Variants in TOP1 observed in about 807,000 individuals in gnomAD.
TOP1 encodes DNA topoisomerase I.
Under a neutral mutation model 111.1 loss-of-function variants are expected in TOP1, and 10 were observed. That is an observed-to-expected ratio of 0.09 (90% CI 0.06 to 0.15). TOP1 has a LOEUF of 0.15. TOP1 is among the 10% of genes least tolerant of loss of function. The pLI, the probability that TOP1 is intolerant of heterozygous loss-of-function variation, is 1.00. For missense variants in TOP1, 474 were observed against 926.7 expected (o/e 0.51, Z 6.34); for synonymous variants, 271 against 302.9 (o/e 0.89, Z 1.10).
At chr20:41,050,980 C>T (rs1482033912) in intron 2 of TOP1, among the ~76,000 whole-genome samples, 2 of 152,076 alleles carry the variant, frequency 1.3e-5, no homozygotes, top group Non-Finnish European at 1.5e-5. Flanking sequence ...GGGTTTGCCC[C>T]AGTACAAGAG....
Position 41,106,898 on chromosome 20 carries a change from T to C in TOP1, c.1308+5545T>C, listed in dbSNP as rs949760083. 1.3e-5 allele frequency among the ~76,000 whole-genome samples: 2 copies of C among 152,172 alleles called. No homozygotes were observed. The highest frequency in any genetic ancestry group is 2.4e-5 in the African/African-American group (1 of 41,450). Reference sequence around the variant, plus strand: ...ATATATTTCATATTTCTTTAAGTTTTAATTTTTATTTTTAAACACAATTAT... The same window carrying C: ...ATATATTTCATATTTCTTTAAGTTTCAATTTTTATTTTTAAACACAATTAT... On this transcript the variant is annotated intron_variant, in intron 13 of 20. Coordinates refer to ENST00000361337, the MANE Select transcript of TOP1 (RefSeq NM_003286.4). The surrounding 1 kb of genome is among the most constrained non-coding windows in gnomAD (Gnocchi z 4.3).
intron 2 of TOP1, among the ~76,000 whole-genome samples, chr20:41,037,753 C>T (rs2033207317): frequency 6.6e-6 from 1 of 152,042 alleles, no homozygotes; most frequent in South Asian, 2.1e-4. Context: ...AGGAAATAAA[C>T]AAAAGTCATT....
Position 41,092,635 on chromosome 20 carries a change from C to CT in TOP1, c.730+50dup. On this transcript the variant is annotated intron_variant, in intron 9 of 20. Coordinates refer to ENST00000361337, the MANE Select transcript of TOP1 (RefSeq NM_003286.4). This position sits in a 1 kb window ranked among gnomAD's most constrained non-coding sequence, Gnocchi z 4.3. ...ATTCTTGGCCAGGAAAAGAAATCTG[C>CT]TTCTATTTAGGGATAGAAAACAAGG... 1 of 918,392 alleles carries CT rather than the reference C, an allele frequency of 1.1e-6. No homozygotes were observed. Among genetic ancestry groups the CT allele is most frequent in the South Asian group, 1.6e-5 (1 of 61,434 alleles). The allele number at this position is 918,392 out of a possible 1,614,324, so 56.9% of individuals were successfully genotyped here. A position where few individuals can be genotyped will look rare whatever the true frequency, so the allele number is the denominator to read the frequency against.
intron 2 of TOP1, among the ~76,000 whole-genome samples, chr20:41,039,767 G>T (rs562391674): frequency 6.6e-6 from 1 of 152,248 alleles, no homozygotes; most frequent in Admixed American, 6.5e-5. Context: ...AACTAGCCGG[G>T]CGTGGTGGCG....
At chr20:41,041,713 G>A (rs76507070) in intron 2 of TOP1, among the ~76,000 whole-genome samples, 10,007 of 152,138 alleles carry the variant, frequency 0.066, 355 homozygotes, top group Middle Eastern at 0.17. Context: ...CTGAAAATCT[G>A]CATTTTTAAT....
At chr20:41,070,043 T>C (rs1202432173) in intron 3 of TOP1, among the ~76,000 whole-genome samples, 2 of 152,098 alleles carry the variant, frequency 1.3e-5, no homozygotes, top group East Asian at 3.9e-4. Context: ...TTTCAAAAAG[T>C]TGGAACTTGT....
At chr20:41,062,930 C>T (rs763910184) in intron 3 of TOP1, among the ~76,000 whole-genome samples, 65 of 152,140 alleles carry the variant, frequency 4.3e-4, no homozygotes, top group African/African-American at 1.4e-3. Context: ...TCTACTTTTC[C>T]GCTTTTAATT....
intron 8 of TOP1, among the ~76,000 whole-genome samples, chr20:41,085,459 T>C (rs887023410): frequency 6.6e-6 from 1 of 152,250 alleles, no homozygotes; most frequent in Admixed American, 6.5e-5. Flanking sequence ...GGTGGAGAAC[T>C]TTTCTACTTT....
intron 2 of TOP1, among the ~76,000 whole-genome samples, chr20:41,053,238 C>T (rs947024149): frequency 1.3e-5 from 2 of 152,136 alleles, no homozygotes; most frequent in Non-Finnish European, 2.9e-5. Context: ...TGCCCTTTCA[C>T]CTTCCTTTGT....
In TOP1 at chr20:41,114,932, G is replaced by C. The variant is rs554544086; in HGVS notation, c.1639-439G>C. 6.6e-6 allele frequency among the ~76,000 whole-genome samples: 1 copy of C among 152,214 alleles called. No homozygotes were observed. Among genetic ancestry groups the C allele is most frequent in the Non-Finnish European group, 1.5e-5 (1 of 68,038 alleles). The stretch of plus-strand genomic sequence containing the variant: ...GCTGGCTGTGGAAGTACTCTGGACA[G>C]ATTAGATAACAGTATGTATCAATGT... On this transcript the variant is annotated intron_variant, in intron 15 of 20. Coordinates refer to ENST00000361337, the MANE Select transcript of TOP1 (RefSeq NM_003286.4). This position sits in a 1 kb window ranked among gnomAD's most constrained non-coding sequence, Gnocchi z 4.5.
rs184107518 is a variant in TOP1 at position 41,049,386 on chromosome 20, G to A, written c.59-12008G>A. ...TAATGCAGTGCACTTCTAAGTTTCCGATGGTATTTCCCCAAGTTTTGAATA... is the reference window on the plus strand; with the variant it reads ...TAATGCAGTGCACTTCTAAGTTTCCAATGGTATTTCCCCAAGTTTTGAATA... On this transcript the variant is annotated intron_variant, in intron 2 of 20. Transcript: ENST00000361337. Among the ~76,000 whole-genome samples the A allele has an allele frequency of 3.3e-5, 5 of 152,350 alleles. No individual in the cohort carries two copies. In the South Asian group the frequency reaches 8.3e-4, roughly 25 times the overall value.
chr20:41,121,034 G>A lies in TOP1; in HGVS notation c.1951-662G>A, dbSNP rs1335771591. Among the ~76,000 whole-genome samples, 4 of 152,182 alleles carry A rather than the reference G, an allele frequency of 2.6e-5. No homozygotes were observed. The highest frequency in any genetic ancestry group is 5.9e-5 in the Non-Finnish European group (4 of 68,026). ...TGGGATTACAGGCGTGAGACACCGC[G>A]CCTGGTGACCGCTCTCCTTTTAAAA... On this transcript the variant is annotated intron_variant, in intron 18 of 20. Coordinates refer to ENST00000361337, the MANE Select transcript of TOP1 (RefSeq NM_003286.4). The surrounding 1 kb of genome is among the most constrained non-coding windows in gnomAD (Gnocchi z 4.2).
At chr20:41,090,812 CATTT>C (rs2033911544) in intron 8 of TOP1, among the ~76,000 whole-genome samples, 1 of 152,174 alleles carries the variant, frequency 6.6e-6, no homozygotes, top group Non-Finnish European at 1.5e-5. Context: ...AGCTGCAATT[CATTT>C]ATTCTTTTTG....
intron 8 of TOP1, among the ~76,000 whole-genome samples, chr20:41,090,529 G>A (rs1185668097): frequency 1.3e-5 from 2 of 152,112 alleles, no homozygotes; most frequent in Non-Finnish European, 2.9e-5. Context: ...TTGAGACAGA[G>A]TGTCTCTCTG....
Position 41,029,334 on chromosome 20 carries a change from CG to C in TOP1, c.34-92del. The C allele has an allele frequency of 1.7e-6, 2 of 1,177,776 alleles. No homozygotes were observed. The highest frequency in any genetic ancestry group is 1.1e-6 in the Non-Finnish European group (1 of 870,524). 73.0% of individuals were successfully genotyped at this position (1,177,776 alleles called of 1,614,324 possible). On this transcript the variant is annotated intron_variant, in intron 1 of 20. Transcript: ENST00000361337. This position sits in a 1 kb window ranked among gnomAD's most constrained non-coding sequence, Gnocchi z 6.1. ...GCCACCCCCGGGTCCCCGTCCTCCC[CG>C]GGGGCGCAGGGTGAGCCAGACCCCG...
chr20:41,115,274 G>C lies in TOP1; in HGVS notation c.1639-97G>C. Reference sequence around the variant, plus strand: ...GGTGACGGATGTATGCGTGTTCCTTGTGCCTTTTTCTTTGCAAGTTTCTTT... The same window carrying C: ...GGTGACGGATGTATGCGTGTTCCTTCTGCCTTTTTCTTTGCAAGTTTCTTT... On this transcript the variant is annotated intron_variant, in intron 15 of 20. Coordinates refer to ENST00000361337, the MANE Select transcript of TOP1 (RefSeq NM_003286.4). The surrounding 1 kb of genome is among the most constrained non-coding windows in gnomAD (Gnocchi z 6.3). The C allele has an allele frequency of 2.5e-6, 2 of 786,102 alleles. No individual in the cohort carries two copies. The highest frequency in any genetic ancestry group is 4.3e-6 in the Non-Finnish European group (2 of 470,476). The allele number at this position is 786,102 out of a possible 1,614,324, so 48.7% of individuals were successfully genotyped here.
At chr20:41,068,136 C>T (rs2033629127) in intron 3 of TOP1, among the ~76,000 whole-genome samples, 1 of 152,188 alleles carries the variant, frequency 6.6e-6, no homozygotes, top group Non-Finnish European at 1.5e-5. Flanking sequence ...TACTTGTATG[C>T]ATATGGTAGG....
In TOP1 at chr20:41,115,582, C is replaced by T; in HGVS notation, c.1707+143C>T. On this transcript the variant is annotated intron_variant, in intron 16 of 20. Transcript: ENST00000361337. The surrounding 1 kb of genome is among the most constrained non-coding windows in gnomAD (Gnocchi z 6.3). ...GCATCCCATACACTCTCTCTTCCTC[C>T]CTCTGAGTCCACGGTGAATCTGTAG... The T allele has an allele frequency of 1.7e-6, 1 of 603,008 alleles. No homozygotes were observed. The highest frequency in any genetic ancestry group is 2.8e-5 in the Admixed American group (1 of 36,356). 37.4% of individuals were successfully genotyped at this position (603,008 alleles called of 1,614,324 possible). A position where few individuals can be genotyped will look rare whatever the true frequency, so the allele number is the denominator to read the frequency against.
In TOP1 at chr20:41,034,989, A is replaced by G. The variant is rs549327356; in HGVS notation, c.58+5534A>G. Reference sequence around the variant, plus strand: ...ACTGCAACCTCTGCCTCCTGGGCTCAAGCGATCCTCCTACCTCACCCTCCC... The same window carrying G: ...ACTGCAACCTCTGCCTCCTGGGCTCGAGCGATCCTCCTACCTCACCCTCCC... On this transcript the variant is annotated intron_variant, in intron 2 of 20. Coordinates refer to ENST00000361337, the MANE Select transcript of TOP1 (RefSeq NM_003286.4). This position sits in a 1 kb window ranked among gnomAD's most constrained non-coding sequence, Gnocchi z 4.0. Among the ~76,000 whole-genome samples, 37 of 152,128 alleles carry G rather than the reference A, an allele frequency of 2.4e-4. 1 individual carries two copies. The highest frequency in any genetic ancestry group is 8.5e-4 in the African/African-American group (35 of 41,396).
Sources: gnomAD v4.1 joint callset for allele counts (sites outside exome capture counted in the v4.1 genomes callset) on GRCh38, gnomAD v4.1.1 for gene constraint, Gnocchi (gnomAD v3.1) non-coding constraint, MANE v1.5 for transcripts, NCBI Gene and HGNC (gene_info 2026-07-23, HGNC 2026-07-21) for gene names.